The following SNX7 variants were observed in gnomAD, a reference collection of about 807,000 sequenced individuals.
SNX7 encodes sorting nexin-7.
A neutral mutation model predicts 48.4 loss-of-function variants in SNX7; 35 were observed. That is an observed-to-expected ratio of 0.72 (90% CI 0.55 to 0.96). The LOEUF (loss-of-function observed/expected upper bound fraction) is 0.96, where lower values mean the gene tolerates loss of function less well. Among genes scored for constraint, SNX7 ranks in the 40% least tolerant of loss-of-function variants. SNX7 has a pLI of 0.00. For synonymous variants in SNX7, 190 were observed against 190.2 expected (o/e 1.00, Z 0.01); for missense variants, 553 against 548.9 (o/e 1.01, Z -0.07).
At chr1:98,759,944 A>G (rs1156596635) in intron 8 of SNX7, 110 bp from the exon 9 acceptor site, 6 of 675,142 alleles carry the variant, frequency 8.9e-6, no homozygotes, top group Non-Finnish European at 1.6e-5. Context: ...CTGATGGGAG[A>G]GAAGAATAGA....
At chr1:98,685,414 G>T (rs962505725) in intron 2 of SNX7, among the ~76,000 whole-genome samples, 1 of 152,046 alleles carries the variant, frequency 6.6e-6, no homozygotes, top group Non-Finnish European at 1.5e-5. Flanking sequence ...TAAACAGTTC[G>T]CAATATTATG....
chr1:98,681,311 T>C (rs1650476995), intron 1 of SNX7, among the ~76,000 whole-genome samples: 1 of 152,138 alleles, frequency 6.6e-6, no homozygotes, highest in Non-Finnish European at 1.5e-5. Context: ...GGAGTTACAA[T>C]TCAAGATAAG....
At chr1:98,740,436 G>A (rs993217) in intron 8 of SNX7, among the ~76,000 whole-genome samples, 40,230 of 151,924 alleles carry the variant, frequency 0.26, 5,638 homozygotes, top group South Asian at 0.31. Context: ...TTAAATTAAA[G>A]CATGCAGTTT....
intron 5 of SNX7, among the ~76,000 whole-genome samples, chr1:98,697,448 C>T (rs1399357207): frequency 1.3e-5 from 2 of 151,858 alleles, no homozygotes; most frequent in Non-Finnish European, 2.9e-5. Context: ...AAAACGGTCA[C>T]TGCTTATAAA....
intron 7 of SNX7, among the ~76,000 whole-genome samples, chr1:98,712,989 G>A (rs1242002353): frequency 1.3e-5 from 2 of 151,844 alleles, no homozygotes; most frequent in Non-Finnish European, 2.9e-5. Flanking sequence ...TACCCGGGAG[G>A]CTAAGGCAGG....
chr1:98,706,361 G>A (rs1297098173), intron 7 of SNX7, among the ~76,000 whole-genome samples: 2 of 152,032 alleles, frequency 1.3e-5, no homozygotes, highest in Non-Finnish European at 2.9e-5. Context: ...CAGGCAGAGG[G>A]GACAGTACAT....
intron 1 of SNX7, 71 bp from the exon 2 acceptor site, chr1:98,684,814 T>C (rs1650695263): frequency 9.3e-7 from 1 of 1,080,818 alleles, no homozygotes; most frequent in Non-Finnish European, 1.3e-6. Flanking sequence ...TTCATTAATA[T>C]TGATAGCATC....
At chr1:98,714,311 C>G (rs1003889291) in intron 7 of SNX7, among the ~76,000 whole-genome samples, 6 of 152,074 alleles carry the variant, frequency 3.9e-5, no homozygotes, top group Non-Finnish European at 8.8e-5. Flanking sequence ...CAGCCAATGT[C>G]TAATCCTGTG....
At position 98,687,712 on chromosome 1, in the gene SNX7, A is replaced by G. The variant is rs116395792; in HGVS notation, c.363+2645A>G. Among the ~76,000 whole-genome samples the G allele has an allele frequency of 6.4e-3, 970 of 152,258 alleles. 16 individuals are homozygous for G. Among genetic ancestry groups the G allele is most frequent in the African/African-American group, 0.023 (935 of 41,554 alleles). On this transcript the variant is annotated intron_variant, in intron 2 of 8. Transcript: ENST00000306121. ...GTTAGTTTGTTCTCATGTTGGTAAT[A>G]AAGACATACCCAGTACTGGGTAATT...
intron 1 of SNX7, among the ~76,000 whole-genome samples, chr1:98,666,835 C>T (rs1016018106): frequency 6.6e-6 from 1 of 152,130 alleles, no homozygotes; most frequent in African/African-American, 2.4e-5. Flanking sequence ...CTTTTTGGAG[C>T]ACCATGTAAG....
intron 7 of SNX7, among the ~76,000 whole-genome samples, chr1:98,731,218 A>G (rs1056578516): frequency 2.0e-5 from 3 of 152,020 alleles, no homozygotes; most frequent in Admixed American, 6.6e-5. Flanking sequence ...TTATAAGAAT[A>G]AAAATTTTTT....
intron 1 of SNX7, among the ~76,000 whole-genome samples, chr1:98,671,343 AATAGT>A (rs1649852824): frequency 6.6e-6 from 1 of 152,198 alleles, no homozygotes; most frequent in African/African-American, 2.4e-5. Flanking sequence ...CAAGCTGGAT[AATAGT>A]GTGTTACCTC....
chr1:98,710,692 A>G (rs908910631), intron 7 of SNX7, among the ~76,000 whole-genome samples: 10 of 152,290 alleles, frequency 6.6e-5, no homozygotes, highest in African/African-American at 2.4e-4. Context: ...AATATGTCCT[A>G]AGGTTCTGTC....
chr1:98,705,927 A>C (rs1360059971), intron 7 of SNX7, among the ~76,000 whole-genome samples: 1 of 152,194 alleles, frequency 6.6e-6, no homozygotes, highest in Non-Finnish European at 1.5e-5. Flanking sequence ...AAGGGCAGCC[A>C]ATGTTTCAAG....
At chr1:98,722,530 C>G (rs1652939315) in intron 7 of SNX7, among the ~76,000 whole-genome samples, 1 of 151,944 alleles carries the variant, frequency 6.6e-6, no homozygotes. Flanking sequence ...AATCTTAATC[C>G]TTTTATTTAG....
intron 7 of SNX7, among the ~76,000 whole-genome samples, chr1:98,723,347 C>T (rs922781395): frequency 7.3e-5 from 11 of 151,378 alleles, no homozygotes; most frequent in South Asian, 2.1e-4. Flanking sequence ...AAGTTTTAAA[C>T]GGTTTTTTTT....
intron 8 of SNX7, among the ~76,000 whole-genome samples, chr1:98,753,443 A>G (rs1654685785): frequency 6.6e-6 from 1 of 152,130 alleles, no homozygotes; most frequent in African/African-American, 2.4e-5. Flanking sequence ...TTAATGCAGA[A>G]TATGAAAATG....
chr1:98,702,561 AT>A (rs1043593325), intron 7 of SNX7, among the ~76,000 whole-genome samples: 1 of 152,010 alleles, frequency 6.6e-6, no homozygotes, highest in African/African-American at 2.4e-5. Flanking sequence ...GTATTTTTAT[AT>A]TTATATTTTA....
intron 7 of SNX7, among the ~76,000 whole-genome samples, chr1:98,713,380 G>A (rs1197104031): frequency 6.6e-6 from 1 of 152,140 alleles, no homozygotes; most frequent in Non-Finnish European, 1.5e-5. Context: ...TTTGGCTTAA[G>A]GGAATGTTAT....
Sources: gnomAD v4.1 joint callset for allele counts (sites outside exome capture counted in the v4.1 genomes callset) on GRCh38, gnomAD v4.1.1 for gene constraint, MANE v1.5 for transcripts, NCBI Gene and HGNC (gene_info 2026-07-23, HGNC 2026-07-21) for gene names.